Variants in TTBK2 observed in about 807,000 individuals in gnomAD.
TTBK2 encodes the protein tau tubulin kinase 2.
In TTBK2, 28 loss-of-function variants were observed where a neutral mutation model predicts 110.8. That is an observed-to-expected ratio of 0.25 (90% CI 0.19 to 0.35). The LOEUF (loss-of-function observed/expected upper bound fraction) is 0.35, where lower values mean the gene tolerates loss of function less well. Among genes scored for constraint, TTBK2 ranks in the 10% least tolerant of loss-of-function variants. The pLI, the probability that TTBK2 is intolerant of heterozygous loss-of-function variation, is 1.00. For missense variants in TTBK2, 1,369 were observed against 1,500.3 expected (o/e 0.91, Z 1.45); for synonymous variants, 532 against 527.3 (o/e 1.01, Z -0.12).
intron 13 of TTBK2, among the ~76,000 whole-genome samples, chr15:42,765,101 A>G (rs995619422): frequency 6.6e-6 from 1 of 152,266 alleles, no homozygotes; most frequent in African/African-American, 2.4e-5. Context: ...CCCCATCTGT[A>G]GGCCACCATC....
chr15:42,794,566 G>A (rs1595917104), intron 10 of TTBK2, 78 bp downstream of exon 10: 1 of 1,598,220 alleles, frequency 6.3e-7, no homozygotes, highest in Non-Finnish European at 8.6e-7. Flanking sequence ...GTCATCTGAG[G>A]GAATCTGGAT....
Position 42,765,383 on chromosome 15 carries a change from G to A in TTBK2, c.1998+9752C>T, listed in dbSNP as rs1040148847. Among the ~76,000 whole-genome samples, 16 of 152,248 alleles carry A rather than the reference G, an allele frequency of 1.1e-4. No homozygotes were observed. The Middle Eastern group carries it at 0.014, about 129-fold the overall frequency. On this transcript the variant is annotated intron_variant, in intron 13 of 14. Transcript: ENST00000267890. ...TAAAAACCTTGAAAAAAGATTAGAC[G>A]AATGGCTAACTAGAATAAACAGCGT...
chr15:42,910,976 G>A (rs1220517018), intron 1 of TTBK2, among the ~76,000 whole-genome samples: 7 of 151,748 alleles, frequency 4.6e-5, no homozygotes, highest in South Asian at 4.2e-4. Flanking sequence ...CCCAGGAGGC[G>A]GAGGATGCAG....
At chr15:42,763,406 G>A (rs555274269) in intron 13 of TTBK2, among the ~76,000 whole-genome samples, 22 of 149,596 alleles carry the variant, frequency 1.5e-4, no homozygotes, top group Middle Eastern at 3.4e-3. Flanking sequence ...TAGACACAGC[G>A]TTTCACCATG....
chr15:42,853,309 A>G (rs553850747), intron 3 of TTBK2, among the ~76,000 whole-genome samples: 1 of 152,298 alleles, frequency 6.6e-6, no homozygotes, highest in African/African-American at 2.4e-5. Context: ...TTTCCTCTTC[A>G]TGACCTATAA....
intron 14 of TTBK2, among the ~76,000 whole-genome samples, chr15:42,747,991 A>G (rs1429091512): frequency 6.6e-6 from 1 of 152,216 alleles, no homozygotes; most frequent in Non-Finnish European, 1.5e-5. Context: ...ACCTTTTAAA[A>G]AATATTAGGG....
rs572510571 is a variant in TTBK2 at position 42,787,036 on chromosome 15, A to G, written c.981-3401T>C. On this transcript the variant is annotated intron_variant, in intron 10 of 14. Transcript: ENST00000267890. ...TGTGGAAGAACTGAAGAGATATGAG[A>G]AAAAATAGTAAGAACGAATATCCTT... Among the ~76,000 whole-genome samples, 14 of 152,344 alleles carry G rather than the reference A, an allele frequency of 9.2e-5. No individual in the cohort carries two copies. The South Asian group carries it at 2.9e-3, about 32-fold the overall frequency.
At chr15:42,905,269 A>G (rs1367976129) in intron 1 of TTBK2, among the ~76,000 whole-genome samples, 1 of 152,112 alleles carries the variant, frequency 6.6e-6, no homozygotes, top group African/African-American at 2.4e-5. Context: ...AGAGGCACAA[A>G]GGGAAGTTTT....
intron 9 of TTBK2, chr15:42,801,404 A>G (rs747049967): frequency 5.9e-6 from 7 of 1,196,186 alleles, no homozygotes; most frequent in Non-Finnish European, 8.7e-6. Flanking sequence ...GCTGCTCGGT[A>G]TCTGCGTGGC....
intron 7 of TTBK2, among the ~76,000 whole-genome samples, chr15:42,813,425 G>C (rs1891806695): frequency 6.6e-6 from 1 of 152,130 alleles, no homozygotes; most frequent in Non-Finnish European, 1.5e-5. Flanking sequence ...AGGAGGCTGA[G>C]GTGGGAGGGC....
intron 8 of TTBK2, among the ~76,000 whole-genome samples, chr15:42,811,249 C>T (rs1290700710): frequency 6.6e-6 from 1 of 152,198 alleles, no homozygotes; most frequent in Non-Finnish European, 1.5e-5. Context: ...TTGCCTCAGC[C>T]TCCCAAGGTG....
At chr15:42,836,406 T>C (rs1892987295) in intron 4 of TTBK2, among the ~76,000 whole-genome samples, 1 of 152,208 alleles carries the variant, frequency 6.6e-6, no homozygotes, top group Non-Finnish European at 1.5e-5. Flanking sequence ...ATCTTCCATA[T>C]GTCAAATAAG....
intron 3 of TTBK2, among the ~76,000 whole-genome samples, chr15:42,855,414 G>A (rs1470556876): frequency 6.6e-6 from 1 of 152,074 alleles, no homozygotes; most frequent in Non-Finnish European, 1.5e-5. Flanking sequence ...TCTGAATATG[G>A]CACAGAAAAA....
intron 1 of TTBK2, among the ~76,000 whole-genome samples, chr15:42,918,855 C>G (rs1482536580): frequency 6.6e-6 from 1 of 152,136 alleles, no homozygotes; most frequent in Non-Finnish European, 1.5e-5. Flanking sequence ...AGAGAATTTA[C>G]TAAATTATGT....
At chr15:42,746,983 TA>T (rs1230601856) in intron 14 of TTBK2, among the ~76,000 whole-genome samples, 2 of 149,854 alleles carry the variant, frequency 1.3e-5, no homozygotes, top group Non-Finnish European at 1.5e-5. Flanking sequence ...TTTTTTTTTT[TA>T]AACAGGGTCT....
chr15:42,894,510 G>A (rs191937607), intron 1 of TTBK2, among the ~76,000 whole-genome samples: 2 of 152,236 alleles, frequency 1.3e-5, no homozygotes, highest in East Asian at 1.9e-4. Flanking sequence ...TTAGTACTGT[G>A]GGAGGCGAAG....
chr15:42,783,742 G>T, intron 10 of TTBK2, 107 bp from the exon 11 acceptor site: 148 of 619,248 alleles, frequency 2.4e-4, no homozygotes, highest in Non-Finnish European at 3.3e-4. Flanking sequence ...AATTAAGAGA[G>T]TTAAAAAAAA....
rs886042912 is a variant in TTBK2 at position 42,752,387 on chromosome 15, G to A, written c.2859C>T (p.Asp953=). The A allele has an allele frequency of 3.7e-6, 6 of 1,614,204 alleles. No individual in the cohort carries two copies. The highest frequency in any genetic ancestry group is 1.6e-4 in the Middle Eastern group (1 of 6,062). The change falls in exon 14 of 15, where the codon GAC becomes GAT. Residue 953 remains aspartate (D), a synonymous_variant. Coordinates refer to ENST00000267890, the MANE Select transcript of TTBK2 (RefSeq NM_173500.4). ...SRIPVLAQEI[D]STLESSSPVS... is the part of the protein sequence containing the mutation. The stretch of plus-strand genomic sequence containing the variant: ...CTGGAGAGGATGATTCCAAAGTTGA[G>A]TCTATCTCTTGTGCTAAAACAGGGA...
chr15:42,877,740 A>G (rs547527694), intron 2 of TTBK2, among the ~76,000 whole-genome samples: 3 of 152,304 alleles, frequency 2.0e-5, no homozygotes, highest in African/African-American at 7.2e-5. Context: ...AAAATGATAC[A>G]CAATCTTGGG....
Sources: allele counts gnomAD v4.1 joint callset (sites outside exome capture counted in the v4.1 genomes callset), GRCh38; gene constraint gnomAD v4.1.1; transcripts MANE v1.5; gene names NCBI Gene and HGNC (gene_info 2026-07-23, HGNC 2026-07-21).